Variants in BAG4 observed in about 807,000 individuals in gnomAD.
The protein encoded by BAG4 is BAG cochaperone 4.
A neutral mutation model predicts 52.1 loss-of-function variants in BAG4; 28 were observed. The ratio of observed to expected loss-of-function variants is 0.54; its 90% CI spans 0.40 to 0.74. The LOEUF (loss-of-function observed/expected upper bound fraction) is 0.74. Among genes scored for constraint, BAG4 ranks in the 30% least tolerant of loss-of-function variants. BAG4 has a pLI of 0.00. For missense variants in BAG4, 525 were observed against 572.0 expected (o/e 0.92, Z 0.84); for synonymous variants, 208 against 217.0 (o/e 0.96, Z 0.37).
rs537848723 is a variant in BAG4 at position 38,203,140 on chromosome 8, AGAG to A, written c.379-4368_379-4366del. 208 of 152,332 alleles carry A rather than the reference AGAG, an allele frequency of 1.4e-3. 1 individual carries two copies. Among genetic ancestry groups the A allele is most frequent in the African/African-American group, 4.8e-3 (198 of 41,578 alleles). The allele number at this position is 152,332 out of a possible 1,614,324, so 9.4% of individuals were successfully genotyped here. On this transcript the variant is annotated intron_variant, in intron 2 of 4. Transcript: ENST00000287322. ...AGTAAGGGGAAACTTTTAAAGGGAA[AGAG>A]GAGAAGTCCATATAAGCTGTTTTGA...
chr8:38,212,930 AT>A lies in BAG4; in HGVS notation c.*2439del, dbSNP rs1237981302. The A allele has an allele frequency of 1.3e-5, 2 of 152,150 alleles. No individual in the cohort carries two copies. The highest frequency in any genetic ancestry group is 4.8e-5 in the African/African-American group (2 of 41,412). The allele number at this position is 152,150 out of a possible 1,614,324, so 9.4% of individuals were successfully genotyped here. A position where few individuals can be genotyped will look rare whatever the true frequency, so the allele number is the denominator to read the frequency against. On this transcript the variant is annotated 3_prime_UTR_variant, in exon 5 of 5. Coordinates refer to ENST00000287322, the MANE Select transcript of BAG4 (RefSeq NM_004874.4). ...TTCTCTCAATCCTTCTACATTTATTATTGGAATTCTTCTGTAAGGAAGAGTT... is the reference window on the plus strand; with the variant it reads ...TTCTCTCAATCCTTCTACATTTATTATGGAATTCTTCTGTAAGGAAGAGTT...
At chr8:38,208,008 C>T (rs1803801298) in intron 3 of BAG4, among the ~76,000 whole-genome samples, 1 of 149,890 alleles carries the variant, frequency 6.7e-6, no homozygotes, top group Non-Finnish European at 1.5e-5. Flanking sequence ...GAAAGTTTCC[C>T]TATCTTAGCC....
chr8:38,192,756 C>T lies in BAG4; in HGVS notation c.339C>T (p.Tyr113=). The part of the protein sequence containing the change: ...WNSTARSRAP[Y]PSTYPVRPEL... ...CTACTGCGAGATCTAGGGCTCCTTA[C>T]CCAAGTACATATCCTGTAAGACCAG... The change falls in exon 2 of 5, where the codon TAC becomes TAT. Residue 113 remains tyrosine, a synonymous_variant. Transcript: ENST00000287322. 6.2e-7 allele frequency: 1 copy of T among 1,613,386 alleles called. No homozygotes were observed. Among genetic ancestry groups the T allele is most frequent in the Non-Finnish European group, 8.5e-7 (1 of 1,179,684 alleles).
rs768182577 is a variant in BAG4, at chr8:38,207,556, C to G, written c.423C>G (p.Pro141=). 5 of 1,613,900 alleles carry G rather than the reference C, an allele frequency of 3.1e-6. No homozygotes were observed. The Admixed American group carries it at 6.7e-5, about 22-fold the overall frequency. The part of the protein sequence containing the change: ...YTNGAYGPTY[P]PGPGANTASY... ...ATGGAGCGTATGGTCCAACATACCC[C>G]CCAGGCCCTGGGGCAAATACTGCCT... The change falls in exon 3 of 5, where the codon CCC becomes CCG. Residue 141 remains proline (P), a synonymous_variant. Coordinates refer to ENST00000287322, the MANE Select transcript of BAG4 (RefSeq NM_004874.4).
rs1291399487 is a variant in BAG4 at position 38,177,084 on chromosome 8, A to G, written c.215A>G (p.Tyr72Cys). 3.1e-6 allele frequency: 5 copies of G among 1,612,326 alleles called. No homozygotes were observed. The highest frequency in any genetic ancestry group is 1.1e-5 in the South Asian group (1 of 90,892). Residue 72 changes from tyrosine to cysteine, a missense_variant, in exon 1 of 5, where the codon TAC becomes TGC. By Grantham distance (194) the Tyr-to-Cys change is radical (BLOSUM62 -2). Around this residue, in one of 2 missense-constraint regions of BAG4, gnomAD observed 287 missense variants for 266.1 expected, o/e 1.08. Coordinates refer to ENST00000287322, the MANE Select transcript of BAG4 (RefSeq NM_004874.4). ...WLGEGGGGDGYYPSGGAWPEP... is the reference protein window; with the variant it reads ...WLGEGGGGDGCYPSGGAWPEP... ...GGAGAAGGCGGAGGAGGCGATGGCTACTATCCCTCGGGAGGCGCCTGGCCA... is the reference window on the plus strand; with the variant it reads ...GGAGAAGGCGGAGGAGGCGATGGCTGCTATCCCTCGGGAGGCGCCTGGCCA...
rs536717252 is a variant in BAG4, at chr8:38,200,755, C to T, written c.379-6757C>T. On this transcript the variant is annotated intron_variant, in intron 2 of 4. Coordinates refer to ENST00000287322, the MANE Select transcript of BAG4 (RefSeq NM_004874.4). The stretch of plus-strand genomic sequence containing the variant: ...CTGGGATTACAGGCATGCGCCACCA[C>T]GCCCGGCTAATTTTGTATTTTTAGT... Among the ~76,000 whole-genome samples, 8 of 152,222 alleles carry T rather than the reference C, an allele frequency of 5.3e-5. No homozygotes were observed. The South Asian group carries it at 8.3e-4, about 16-fold the overall frequency.
At chr8:38,192,590 GC>G (rs1196962476) in intron 1 of BAG4, 97 bp from the exon 2 acceptor site, 1 of 967,466 alleles carries the variant, frequency 1.0e-6, no homozygotes, top group Non-Finnish European at 1.5e-6. Flanking sequence ...TTTGTCTATT[GC>G]TTTTTTTTTT....
intron 1 of BAG4, among the ~76,000 whole-genome samples, chr8:38,181,493 T>C (rs1350154488): frequency 1.3e-5 from 2 of 151,896 alleles, no homozygotes; most frequent in South Asian, 2.1e-4. Flanking sequence ...TCCCAGCACT[T>C]TGGGAGGCTG....
At chr8:38,181,886 C>CAAAAAAAAAAAA (rs34268146) in intron 1 of BAG4, among the ~76,000 whole-genome samples, 1 of 37,268 alleles carries the variant, frequency 2.7e-5, no homozygotes, top group Non-Finnish European at 4.5e-5. Context: ...GAGACTATCT[C>CAAAAAAAAAAAA]AAAAAAAAAA....
chr8:38,206,599 T>C (rs1803771947), intron 2 of BAG4, among the ~76,000 whole-genome samples: 2 of 152,172 alleles, frequency 1.3e-5, no homozygotes, highest in Non-Finnish European at 2.9e-5. Flanking sequence ...TTGAGCATAC[T>C]ATATGCCAGA....
chr8:38,177,873 G>A (rs1473765932), intron 1 of BAG4, among the ~76,000 whole-genome samples: 1 of 152,076 alleles, frequency 6.6e-6, no homozygotes, highest in Non-Finnish European at 1.5e-5. Flanking sequence ...GTGGGTTGTC[G>A]TTCTGCGGTG....
At chr8:38,182,167 G>C (rs1228548719) in intron 1 of BAG4, among the ~76,000 whole-genome samples, 2 of 152,178 alleles carry the variant, frequency 1.3e-5, no homozygotes, top group African/African-American at 4.8e-5. Context: ...ATCCAAATGA[G>C]TTTGAAAAGT....
At chr8:38,208,873 G>C (rs1330451749) in intron 3 of BAG4, 140 bp from the exon 4 acceptor site, 2 of 1,078,024 alleles carry the variant, frequency 1.9e-6, no homozygotes, top group Non-Finnish European at 2.6e-6. Flanking sequence ...TGATTAATTA[G>C]ATTTACTACA....
chr8:38,188,551 A>G (rs1803406782), intron 1 of BAG4, among the ~76,000 whole-genome samples: 1 of 151,284 alleles, frequency 6.6e-6, no homozygotes, highest in Non-Finnish European at 1.5e-5. Flanking sequence ...AAAATTACAT[A>G]TATGCACATA....
intron 4 of BAG4, 90 bp downstream of exon 4, chr8:38,209,357 A>G: frequency 1.3e-6 from 2 of 1,529,752 alleles, no homozygotes; most frequent in Non-Finnish European, 1.8e-6. Context: ...TTTGTGTTAA[A>G]TGGGGACTAA....
At chr8:38,198,396 A>AG (rs994624697) in intron 2 of BAG4, among the ~76,000 whole-genome samples, 4 of 150,836 alleles carry the variant, frequency 2.7e-5, no homozygotes, top group African/African-American at 7.3e-5. Context: ...AAAAAAAAAA[A>AG]AAAAGTTTTC....
Position 38,211,105 on chromosome 8 carries a change from A to G in BAG4, c.*612A>G, listed in dbSNP as rs1803860165. ...AGCCAGATAGTATGGCAGTTCTGAA[A>G]AAATTTATATCTTTTCACCACTTGA... On this transcript the variant is annotated 3_prime_UTR_variant, in exon 5 of 5. Transcript: ENST00000287322. 6.6e-6 allele frequency: 1 copy of G among 152,104 alleles called. No individual in the cohort carries two copies. The highest frequency in any genetic ancestry group is 2.4e-5 in the African/African-American group (1 of 41,426). The allele number at this position is 152,104 out of a possible 1,614,324, so 9.4% of individuals were successfully genotyped here.
chr8:38,202,446 T>C (rs1803694969), intron 2 of BAG4, among the ~76,000 whole-genome samples: 1 of 152,094 alleles, frequency 6.6e-6, no homozygotes, highest in Non-Finnish European at 1.5e-5. Context: ...TTGTATTTTT[T>C]GTAGAGAGGG....
At chr8:38,187,512 CA>C (rs1170040307) in intron 1 of BAG4, among the ~76,000 whole-genome samples, 1 of 152,102 alleles carries the variant, frequency 6.6e-6, no homozygotes, top group African/African-American at 2.4e-5. Flanking sequence ...ACAAAAGATG[CA>C]AATATGCTCT....
Sources: allele counts gnomAD v4.1 joint callset (sites outside exome capture counted in the v4.1 genomes callset), GRCh38; gene constraint gnomAD v4.1.1; regional missense constraint gnomAD v4.1.1; transcripts MANE v1.5; gene names NCBI Gene and HGNC (gene_info 2026-07-23, HGNC 2026-07-21).